Variants in SEMA3D observed in about 807,000 individuals in gnomAD.
SEMA3D encodes the protein semaphorin 3D, also known as semaphorin-3D.
A neutral mutation model predicts 100.1 loss-of-function variants in SEMA3D; 84 were observed. The observed-to-expected ratio is 0.84, with a 90% CI of 0.70 to 1.01. The LOEUF is 1.01. Among genes scored for constraint, SEMA3D ranks in the 50% least tolerant of loss-of-function variants. The pLI is 0.00. For synonymous variants in SEMA3D, 312 were observed against 320.7 expected (o/e 0.97, Z 0.29); for missense variants, 875 against 934.1 (o/e 0.94, Z 0.82).
chr7:85,075,805 A>C (rs1275518916), intron 5 of SEMA3D, among the ~76,000 whole-genome samples: 1 of 152,200 alleles, frequency 6.6e-6, no homozygotes, highest in Non-Finnish European at 1.5e-5. Flanking sequence ...TCCCACTTTA[A>C]ATTTTACCTG....
At chr7:85,003,493 CA>C (rs1811049705) in intron 18 of SEMA3D, among the ~76,000 whole-genome samples, 1 of 151,754 alleles carries the variant, frequency 6.6e-6, no homozygotes, top group Admixed American at 6.6e-5. Context: ...AGTCTTTAAG[CA>C]TAACAGGTGA....
At chr7:85,081,645 G>T in intron 4 of SEMA3D, 66 bp from the exon 5 acceptor site, 1 of 1,040,604 alleles carries the variant, frequency 9.6e-7, no homozygotes, top group Non-Finnish European at 1.5e-6. Context: ...CTGCAATTCT[G>T]CTCAGAGAGT....
intron 2 of SEMA3D, among the ~76,000 whole-genome samples, chr7:85,153,241 A>C (rs1247789201): frequency 6.6e-6 from 1 of 152,154 alleles, no homozygotes; most frequent in African/African-American, 2.4e-5. Flanking sequence ...GTTTAAACTC[A>C]TGTTGTTAAA....
chr7:85,176,496 C>T (rs1486813423), intron 1 of SEMA3D, among the ~76,000 whole-genome samples: 2 of 152,078 alleles, frequency 1.3e-5, no homozygotes, highest in African/African-American at 4.8e-5. Context: ...AAACTTTCAG[C>T]TGTTGCCCCA....
chr7:85,200,122 G>A, the SEMA3D span, among the ~76,000 whole-genome samples: 3 of 152,168 alleles, frequency 2.0e-5, no homozygotes, highest in Non-Finnish European at 2.9e-5. Context: ...TTTATCAGCA[G>A]CATGGAAGTG....
chr7:85,186,050 C>A (rs960161827), intron 1 of SEMA3D, among the ~76,000 whole-genome samples: 3 of 152,166 alleles, frequency 2.0e-5, no homozygotes, highest in African/African-American at 7.2e-5. Context: ...TCAGACGGAA[C>A]GTCGCGATTC....
chr7:85,060,286 A>C (rs566989579), intron 8 of SEMA3D, among the ~76,000 whole-genome samples: 1 of 152,310 alleles, frequency 6.6e-6, no homozygotes, highest in South Asian at 2.1e-4. Context: ...AATAGTAAGC[A>C]TACTTGAGAG....
At chr7:85,004,374 A>T (rs1022466127) in intron 18 of SEMA3D, among the ~76,000 whole-genome samples, 2 of 152,164 alleles carry the variant, frequency 1.3e-5, no homozygotes, top group Non-Finnish European at 1.5e-5. Flanking sequence ...AAGATTTTTT[A>T]AAATGTTATT....
chr7:85,079,015 TG>T (rs1787972658), intron 5 of SEMA3D, among the ~76,000 whole-genome samples: 1 of 152,216 alleles, frequency 6.6e-6, no homozygotes, highest in Admixed American at 6.5e-5. Flanking sequence ...ATATAGTTTT[TG>T]GATCTTATAT....
chr7:85,168,695 A>G (rs1377234382), intron 1 of SEMA3D, among the ~76,000 whole-genome samples: 1 of 149,518 alleles, frequency 6.7e-6, no homozygotes, highest in Admixed American at 6.7e-5. Context: ...ACTCAAGCCC[A>G]GAGCTATTCC....
intron 3 of SEMA3D, among the ~76,000 whole-genome samples, chr7:85,105,816 A>G (rs371402318): frequency 2.1e-4 from 32 of 152,214 alleles, no homozygotes; most frequent in East Asian, 1.4e-3. Context: ...AGGGAAACAT[A>G]AATTAGAAAC....
At chr7:85,057,302 C>A (rs909305924) in intron 8 of SEMA3D, among the ~76,000 whole-genome samples, 1 of 151,674 alleles carries the variant, frequency 6.6e-6, no homozygotes, top group African/African-American at 2.4e-5. Flanking sequence ...TAGGATGATA[C>A]CAGTTCAGAA....
chr7:85,081,435 A>C (rs1788061021), intron 5 of SEMA3D, 82 bp downstream of exon 5: 5 of 861,384 alleles, frequency 5.8e-6, no homozygotes, highest in Non-Finnish European at 7.8e-6. Flanking sequence ...TAATACCATT[A>C]ATTCAGTAAA....
intron 2 of SEMA3D, chr7:85,140,214 T>A (rs1313518993): frequency 1.5e-6 from 1 of 662,332 alleles, no homozygotes; most frequent in African/African-American, 2.0e-5. Flanking sequence ...AATAAAAATG[T>A]TTTATTTTAC....
chr7:85,166,562 A>C (rs2116532970), intron 1 of SEMA3D, among the ~76,000 whole-genome samples: 1 of 152,168 alleles, frequency 6.6e-6, no homozygotes, highest in South Asian at 2.1e-4. Context: ...CAATCCACAC[A>C]GTAATTTATT....
At chr7:85,077,033 G>C (rs1791944796) in intron 5 of SEMA3D, among the ~76,000 whole-genome samples, 1 of 150,702 alleles carries the variant, frequency 6.6e-6, no homozygotes, top group Non-Finnish European at 1.5e-5. Context: ...TTGAACCCGG[G>C]CAGCAGAGGT....
At chr7:85,156,129 G>A (rs1173470062) in intron 1 of SEMA3D, among the ~76,000 whole-genome samples, 1 of 146,874 alleles carries the variant, frequency 6.8e-6, no homozygotes, top group Non-Finnish European at 1.5e-5. Context: ...TTGAGATGGA[G>A]TCTCGCTCTG....
chr7:85,134,929 C>T (rs895365576), intron 2 of SEMA3D, among the ~76,000 whole-genome samples: 1 of 151,876 alleles, frequency 6.6e-6, no homozygotes, highest in African/African-American at 2.4e-5. Flanking sequence ...CCCTCCAAAA[C>T]GGGAGGAATA....
intron 1 of SEMA3D, among the ~76,000 whole-genome samples, chr7:85,168,382 A>G (rs1438191160): frequency 6.6e-6 from 1 of 151,828 alleles, no homozygotes; most frequent in Non-Finnish European, 1.5e-5. Context: ...CTTATTTTAA[A>G]ACACTTCTGT....
Sources: gnomAD v4.1 joint callset for allele counts (sites outside exome capture counted in the v4.1 genomes callset) on GRCh38, gnomAD v4.1.1 for gene constraint, MANE v1.5 for transcripts, NCBI Gene and HGNC (gene_info 2026-07-23, HGNC 2026-07-21) for gene names.